DENND1A: variants seen among roughly 807,000 people sequenced by gnomAD.
DENND1A encodes the protein DENN domain-containing protein 1A.
DENND1A carries 51 observed loss-of-function variants against 113.7 expected under a neutral mutation model. The observed-to-expected ratio is 0.45, with a 90% CI of 0.36 to 0.57. The LOEUF (loss-of-function observed/expected upper bound fraction) is 0.57. Among genes scored for constraint, DENND1A ranks in the 20% least tolerant of loss-of-function variants. The pLI is 0.00. For missense variants in DENND1A, 1,258 were observed against 1,395.9 expected (o/e 0.90, Z 1.57); for synonymous variants, 565 against 570.8 (o/e 0.99, Z 0.14).
intron 2 of DENND1A, among the ~76,000 whole-genome samples, chr9:123,869,280 A>G (rs1057217083): frequency 2.0e-5 from 3 of 152,216 alleles, no homozygotes; most frequent in African/African-American, 7.2e-5. Context: ...CAAAGCATAC[A>G]AGTGCAAGCA....
intron 2 of DENND1A, among the ~76,000 whole-genome samples, chr9:123,872,177 A>G (rs1395811853): frequency 6.6e-6 from 1 of 152,252 alleles, no homozygotes; most frequent in Non-Finnish European, 1.5e-5. Flanking sequence ...TGGCAAAAAA[A>G]AATAAGCATA....
At chr9:123,652,947 C>T (rs2062738691) in intron 8 of DENND1A, among the ~76,000 whole-genome samples, 1 of 152,166 alleles carries the variant, frequency 6.6e-6, no homozygotes, top group South Asian at 2.1e-4. Context: ...TCTATACCCA[C>T]CTGACTTTAA....
At chr9:123,587,647 C>T (rs1054885054) in intron 11 of DENND1A, among the ~76,000 whole-genome samples, 1 of 152,200 alleles carries the variant, frequency 6.6e-6, no homozygotes, top group Non-Finnish European at 1.5e-5. Flanking sequence ...TGATGTGAAA[C>T]CTCCCTGACT....
intron 5 of DENND1A, among the ~76,000 whole-genome samples, chr9:123,691,941 T>C (rs1589688158): frequency 6.6e-6 from 1 of 152,156 alleles, no homozygotes. Context: ...ATGTAGAAGA[T>C]TGACCTGAAT....
At chr9:123,769,373 G>T in intron 4 of DENND1A, 141 bp downstream of exon 4, 1 of 690,300 alleles carries the variant, frequency 1.4e-6, no homozygotes, top group Non-Finnish European at 2.2e-6. Flanking sequence ...CAGGAAGGGA[G>T]AATATTGCAA....
chr9:123,919,440 C>A (rs1855814080), intron 1 of DENND1A, among the ~76,000 whole-genome samples: 1 of 150,986 alleles, frequency 6.6e-6, no homozygotes, highest in East Asian at 1.9e-4. Context: ...CCACTGCACT[C>A]CAGCTTGGGT....
chr9:123,509,010 G>T (rs745325923), intron 13 of DENND1A, among the ~76,000 whole-genome samples: 1 of 152,124 alleles, frequency 6.6e-6, no homozygotes, highest in Non-Finnish European at 1.5e-5. Context: ...CCTCTAGAAG[G>T]CACCGTGAAG....
chr9:123,528,131 T>C (rs190107896), intron 13 of DENND1A, among the ~76,000 whole-genome samples: 77 of 152,292 alleles, frequency 5.1e-4, no homozygotes, highest in African/African-American at 1.8e-3. Context: ...CAGCACTCCA[T>C]CTGCAATGAT....
chr9:123,855,404 T>TAAAAAAAAAAAA (rs1404765261), intron 2 of DENND1A, among the ~76,000 whole-genome samples: 1 of 145,238 alleles, frequency 6.9e-6, no homozygotes, highest in African/African-American at 2.9e-5. Context: ...TTGTCTAAGT[T>TAAAAAAAAAAAA]ATAAAGGACA....
At chr9:123,666,983 A>G (rs1452470037) in intron 8 of DENND1A, 43 bp downstream of exon 8, 1 of 1,513,288 alleles carries the variant, frequency 6.6e-7, no homozygotes, top group African/African-American at 1.4e-5. Flanking sequence ...CAGAAAACAG[A>G]GAAGAATAAA....
At chr9:123,601,078 A>G (rs2059917026) in intron 11 of DENND1A, among the ~76,000 whole-genome samples, 1 of 152,208 alleles carries the variant, frequency 6.6e-6, no homozygotes, top group African/African-American at 2.4e-5. Context: ...ATATATAATG[A>G]CATAAATGAT....
chr9:123,743,024 A>C (rs537898390), intron 5 of DENND1A, among the ~76,000 whole-genome samples: 1 of 152,342 alleles, frequency 6.6e-6, no homozygotes, highest in African/African-American at 2.4e-5. Flanking sequence ...GGTATTTTTA[A>C]GTCTTGGCAG....
intron 13 of DENND1A, among the ~76,000 whole-genome samples, chr9:123,549,366 A>AT: frequency 6.6e-6 from 1 of 151,938 alleles, no homozygotes. Context: ...CACATCCCTT[A>AT]TGTGTGTTCT....
intron 5 of DENND1A, among the ~76,000 whole-genome samples, chr9:123,733,722 A>G (rs2068356890): frequency 6.7e-6 from 1 of 149,912 alleles, no homozygotes; most frequent in Non-Finnish European, 1.5e-5. Flanking sequence ...CTGGAGTGCA[A>G]TGGCACAGTC....
chr9:123,443,093 T>C (rs1036681660), intron 18 of DENND1A, among the ~76,000 whole-genome samples: 8 of 152,278 alleles, frequency 5.3e-5, no homozygotes, highest in Non-Finnish European at 8.8e-5. Flanking sequence ...CCTGCTTTTA[T>C]AGGTGAGGAA....
intron 10 of DENND1A, among the ~76,000 whole-genome samples, chr9:123,609,815 G>C (rs1286803280): frequency 6.6e-6 from 1 of 152,098 alleles, no homozygotes; most frequent in East Asian, 1.9e-4. Context: ...GTTGTTACTA[G>C]AATCAAAGAA....
chr9:123,736,082 T>C (rs2068541459), intron 5 of DENND1A, among the ~76,000 whole-genome samples: 1 of 152,190 alleles, frequency 6.6e-6, no homozygotes, highest in Non-Finnish European at 1.5e-5. Context: ...CATAGCTGGA[T>C]AAGTAGTTCT....
chr9:123,452,195 AAAGT>A (rs1256714133), intron 17 of DENND1A, 77 bp downstream of exon 17: 2 of 1,374,174 alleles, frequency 1.5e-6, no homozygotes, highest in African/African-American at 2.9e-5. Context: ...CCCAGTTTCA[AAAGT>A]AAGTAAATAA....
chr9:123,486,817 T>C (rs2050911840), intron 13 of DENND1A, among the ~76,000 whole-genome samples: 1 of 152,162 alleles, frequency 6.6e-6, no homozygotes, highest in Non-Finnish European at 1.5e-5. Context: ...CACATTTGCC[T>C]CTTACACTCC....
Sources: gnomAD v4.1 joint callset for allele counts (sites outside exome capture counted in the v4.1 genomes callset) on GRCh38, gnomAD v4.1.1 for gene constraint, MANE v1.5 for transcripts, NCBI Gene and HGNC (gene_info 2026-07-23, HGNC 2026-07-21) for gene names.